MCU: variants seen among roughly 807,000 people sequenced by gnomAD.
The protein encoded by MCU is calcium uniporter protein, mitochondrial.
Under a neutral mutation model 45.2 loss-of-function variants are expected in MCU, and 12 were observed. The ratio of observed to expected loss-of-function variants is 0.27; its 90% confidence interval spans 0.17 to 0.43. The LOEUF is 0.43. Ranked by LOEUF, MCU falls within the 20% of genes least tolerant of loss-of-function variation. The probability of loss-of-function intolerance (pLI) is 1.00; values close to 1 mark genes in which losing one functional copy is unlikely to be tolerated. For synonymous variants in MCU, 160 were observed against 165.1 expected, an observed-to-expected ratio of 0.97 and a Z score of 0.24; for missense variants, 324 against 436.7, an observed-to-expected ratio of 0.74 and a Z score of 2.30.
intron 1 of MCU, among the ~76,000 whole-genome samples, chr10:72,733,901 A>C (rs890023766): frequency 1.3e-5 from 2 of 151,850 alleles, no homozygotes; most frequent in Non-Finnish European, 2.9e-5. Flanking sequence ...AATTTGGAAA[A>C]ATTATTTTAA....
intron 1 of MCU, among the ~76,000 whole-genome samples, chr10:72,808,149 A>G (rs1844480481): frequency 6.6e-6 from 1 of 152,218 alleles, no homozygotes; most frequent in Non-Finnish European, 1.5e-5. Context: ...TTCCTTTGTC[A>G]TTATATTCAG....
intron 1 of MCU, among the ~76,000 whole-genome samples, chr10:72,706,861 A>T (rs1389764633): frequency 1.8e-5 from 2 of 110,748 alleles, no homozygotes; most frequent in Non-Finnish European, 1.8e-5. Context: ...AGACAGTCTC[A>T]CTCTGTCGCC....
intron 1 of MCU, among the ~76,000 whole-genome samples, chr10:72,786,958 A>G (rs1419506921): frequency 6.6e-6 from 1 of 152,120 alleles, no homozygotes; most frequent in African/African-American, 2.4e-5. Context: ...TACATCCCCA[A>G]TGTCAAATAG....
chr10:72,722,823 A>G (rs1462484261), intron 1 of MCU, among the ~76,000 whole-genome samples: 1 of 152,154 alleles, frequency 6.6e-6, no homozygotes, highest in African/African-American at 2.4e-5. Context: ...TTTTCTCAAG[A>G]CTACTGGACA....
At chr10:72,854,343 G>A (rs1174105253) in intron 2 of MCU, among the ~76,000 whole-genome samples, 2 of 151,860 alleles carry the variant, frequency 1.3e-5, no homozygotes, top group Non-Finnish European at 1.5e-5. Flanking sequence ...AAGACATAGA[G>A]GAACAAAGAT....
chr10:72,805,087 T>TTC (rs758399766), intron 1 of MCU, among the ~76,000 whole-genome samples: 23 of 137,176 alleles, frequency 1.7e-4, no homozygotes, highest in Non-Finnish European at 3.3e-4. Context: ...GTTTCTTTCT[T>TTC]TCTTTCTTTC....
At chr10:72,759,103 G>T (rs999425097) in intron 1 of MCU, among the ~76,000 whole-genome samples, 1 of 152,082 alleles carries the variant, frequency 6.6e-6, no homozygotes, top group Non-Finnish European at 1.5e-5. Context: ...AGGACGAGCC[G>T]CAGACAAAAC....
intron 1 of MCU, among the ~76,000 whole-genome samples, chr10:72,721,548 C>G (rs1843022336): frequency 6.6e-6 from 1 of 152,172 alleles, no homozygotes; most frequent in African/African-American, 2.4e-5. Context: ...GCTGAACATG[C>G]ACCTACCTCA....
At chr10:72,848,133 T>C (rs1006691284) in intron 2 of MCU, among the ~76,000 whole-genome samples, 1 of 152,216 alleles carries the variant, frequency 6.6e-6, no homozygotes, top group African/African-American at 2.4e-5. Flanking sequence ...GTTCAACTTA[T>C]GGTTTTTTGA....
At chr10:72,772,416 G>T (rs1843824612) in intron 1 of MCU, among the ~76,000 whole-genome samples, 1 of 152,212 alleles carries the variant, frequency 6.6e-6, no homozygotes, top group South Asian at 2.1e-4. Flanking sequence ...TCAAAACAAG[G>T]CTGGGTGCAG....
intron 1 of MCU, among the ~76,000 whole-genome samples, chr10:72,720,667 A>G (rs1208468075): frequency 2.0e-5 from 3 of 152,172 alleles, no homozygotes; most frequent in Admixed American, 6.5e-5. Flanking sequence ...TGTTGAATCT[A>G]TCTTTTTATA....
At chr10:72,718,453 T>C (rs991841575) in intron 1 of MCU, among the ~76,000 whole-genome samples, 1 of 152,252 alleles carries the variant, frequency 6.6e-6, no homozygotes, top group East Asian at 1.9e-4. Context: ...GTGGATCAAC[T>C]ATCCTACGTC....
chr10:72,856,733 A>C (rs1845295528), intron 2 of MCU, among the ~76,000 whole-genome samples: 1 of 149,756 alleles, frequency 6.7e-6, no homozygotes, highest in Non-Finnish European at 1.5e-5. Context: ...CAGGAGTTCA[A>C]GACCAGCCTG....
At chr10:72,857,159 G>C (rs1010937213) in intron 2 of MCU, among the ~76,000 whole-genome samples, 2 of 151,992 alleles carry the variant, frequency 1.3e-5, no homozygotes, top group Non-Finnish European at 2.9e-5. Flanking sequence ...TATCATTTAT[G>C]TATCATGTAA....
chr10:72,885,219 G>A (rs1845759838), intron 7 of MCU, among the ~76,000 whole-genome samples: 1 of 152,204 alleles, frequency 6.6e-6, no homozygotes, highest in Admixed American at 6.5e-5. Context: ...AGATGCTTCA[G>A]TCTCACCCTA....
At chr10:72,839,181 G>A (rs980802266) in intron 2 of MCU, among the ~76,000 whole-genome samples, 1 of 151,878 alleles carries the variant, frequency 6.6e-6, no homozygotes, top group African/African-American at 2.4e-5. Context: ...GTAGAGAGGG[G>A]GTTTCACCAT....
intron 1 of MCU, among the ~76,000 whole-genome samples, chr10:72,795,559 C>T (rs1844230368): frequency 6.6e-6 from 1 of 152,124 alleles, no homozygotes; most frequent in African/African-American, 2.4e-5. Context: ...ATTTCTGGGA[C>T]TTATATCAGC....
intron 1 of MCU, among the ~76,000 whole-genome samples, chr10:72,833,315 G>A (rs1255252060): frequency 1.3e-5 from 2 of 152,124 alleles, no homozygotes; most frequent in East Asian, 1.9e-4. Flanking sequence ...GATTTAAAAC[G>A]AAACTAGCTG....
At chr10:72,806,152 CTTT>C (rs774464297) in intron 1 of MCU, among the ~76,000 whole-genome samples, 1 of 120,186 alleles carries the variant, frequency 8.3e-6, no homozygotes, top group Non-Finnish European at 1.7e-5. Context: ...CCATGAAGAG[CTTT>C]TTTTTTTTTT....
Sources: gnomAD v4.1 joint callset for allele counts (sites outside exome capture counted in the v4.1 genomes callset) on GRCh38, gnomAD v4.1.1 for gene constraint, MANE v1.5 for transcripts, NCBI Gene and HGNC (gene_info 2026-07-23, HGNC 2026-07-21) for gene names.